The following NEGR1 variants were observed in gnomAD, a reference collection of about 807,000 sequenced individuals.
NEGR1 encodes IgLON family member 4.
NEGR1 carries 10 observed loss-of-function variants against 40.9 expected under a neutral mutation model. The observed-to-expected ratio is 0.24, with a 90% CI of 0.15 to 0.42. The LOEUF is 0.42. NEGR1 is among the 10% of genes least tolerant of loss of function. NEGR1 has a pLI of 1.00. For synonymous variants in NEGR1, 185 were observed against 166.8 expected (o/e 1.11, Z -0.84); for missense variants, 352 against 438.9 (o/e 0.80, Z 1.77).
At chr1:71,520,175 T>G (rs1647145972) in intron 6 of NEGR1, among the ~76,000 whole-genome samples, 1 of 151,992 alleles carries the variant, frequency 6.6e-6, no homozygotes, top group Admixed American at 6.6e-5. Flanking sequence ...TTCTGTAAAT[T>G]GGGATGAAAA....
chr1:72,045,819 A>C (rs970917790), intron 1 of NEGR1, among the ~76,000 whole-genome samples: 2 of 140,178 alleles, frequency 1.4e-5, no homozygotes, highest in Non-Finnish European at 3.2e-5. Flanking sequence ...CCATAGGAAA[A>C]ATTAGAAAAA....
intron 1 of NEGR1, among the ~76,000 whole-genome samples, chr1:72,078,684 G>A (rs1046670980): frequency 6.8e-6 from 1 of 147,910 alleles, no homozygotes; most frequent in Non-Finnish European, 1.5e-5. Context: ...TTATTGCCCA[G>A]GCTGGAGTGC....
At chr1:71,851,006 C>T (rs539279060) in intron 2 of NEGR1, among the ~76,000 whole-genome samples, 4 of 152,234 alleles carry the variant, frequency 2.6e-5, no homozygotes, top group South Asian at 2.1e-4. Flanking sequence ...AAATCATCCA[C>T]CTCTGATAGT....
chr1:71,618,309 G>T (rs1436606551), intron 4 of NEGR1, among the ~76,000 whole-genome samples: 2 of 152,098 alleles, frequency 1.3e-5, no homozygotes, highest in Non-Finnish European at 1.5e-5. Flanking sequence ...TGCCAGAAAA[G>T]ACTCACTTAC....
chr1:71,777,395 G>A (rs1047806314), intron 2 of NEGR1, among the ~76,000 whole-genome samples: 1 of 151,992 alleles, frequency 6.6e-6, no homozygotes, highest in African/African-American at 2.4e-5. Context: ...CACATATATG[G>A]TGTTTGAATT....
chr1:71,638,692 A>G (rs1651242976), intron 4 of NEGR1, among the ~76,000 whole-genome samples: 1 of 152,056 alleles, frequency 6.6e-6, no homozygotes, highest in South Asian at 2.1e-4. Flanking sequence ...CTAAGGTCAT[A>G]TTCTAAATCA....
At chr1:71,927,793 G>A (rs1242011487) in intron 2 of NEGR1, among the ~76,000 whole-genome samples, 1 of 122,676 alleles carries the variant, frequency 8.2e-6, no homozygotes, top group Non-Finnish European at 1.6e-5. Context: ...AGACCAGCAT[G>A]GGCAACATGG....
At chr1:71,805,028 G>A (rs1328402627) in intron 2 of NEGR1, among the ~76,000 whole-genome samples, 2 of 152,108 alleles carry the variant, frequency 1.3e-5, no homozygotes, top group Non-Finnish European at 2.9e-5. Flanking sequence ...TTTGGGGGTG[G>A]CTGTCTTTTA....
chr1:72,067,143 TGGAA>T (rs1458820119), intron 1 of NEGR1, among the ~76,000 whole-genome samples: 1 of 152,128 alleles, frequency 6.6e-6, no homozygotes, highest in African/African-American at 2.4e-5. Flanking sequence ...ACTATAAACA[TGGAA>T]AAGATCGATT....
chr1:71,999,666 TATATATATATATAC>T (rs1179371078), intron 1 of NEGR1, among the ~76,000 whole-genome samples: 714 of 48,954 alleles, frequency 0.015, 62 homozygotes, highest in African/African-American at 0.037. Flanking sequence ...TATATATATA[TATATATATATATAC>T]ATACATATTT....
intron 1 of NEGR1, among the ~76,000 whole-genome samples, chr1:72,280,101 G>C (rs1029765535): frequency 6.6e-6 from 1 of 152,146 alleles, no homozygotes; most frequent in Non-Finnish European, 1.5e-5. Flanking sequence ...ATCACAAAAT[G>C]CGGGATATAG....
chr1:72,234,804 ATAG>A lies in NEGR1; in HGVS notation c.176+47512_176+47514del, dbSNP rs146197711. ...AAAAAATAGATGCTGGTCAGGTTGT[ATAG>A]AAAAAGGAAAACTTATACACTATTA... is the stretch of plus-strand genomic sequence containing the variant. On this transcript the variant is annotated intron_variant, in intron 1 of 6. Coordinates refer to ENST00000357731, the MANE Select transcript of NEGR1 (RefSeq NM_173808.3). 5.3e-3 allele frequency among the ~76,000 whole-genome samples: 806 copies of A among 152,268 alleles called. 8 individuals are homozygous for A. The highest frequency in any genetic ancestry group is 0.018 in the African/African-American group (768 of 41,572).
At chr1:72,101,432 TA>T (rs764823833) in intron 1 of NEGR1, among the ~76,000 whole-genome samples, 5 of 152,268 alleles carry the variant, frequency 3.3e-5, no homozygotes, top group Admixed American at 2.6e-4. Flanking sequence ...ATGTGGAATG[TA>T]AAAACTGTGC....
chr1:71,561,234 A>G (rs1164182637), intron 6 of NEGR1, among the ~76,000 whole-genome samples: 1 of 151,704 alleles, frequency 6.6e-6, no homozygotes, highest in Non-Finnish European at 1.5e-5. Context: ...CAAGCCCCTA[A>G]CAAAGATCAA....
chr1:72,134,076 C>A (rs1270500577), intron 1 of NEGR1, among the ~76,000 whole-genome samples: 1 of 151,962 alleles, frequency 6.6e-6, no homozygotes, highest in East Asian at 1.9e-4. Context: ...TTATCAATTG[C>A]ATTTAAATGC....
chr1:71,883,653 G>A (rs1276391765), intron 2 of NEGR1, among the ~76,000 whole-genome samples: 1 of 151,800 alleles, frequency 6.6e-6, no homozygotes. Context: ...GTATACATGC[G>A]CCGTGTTGGT....
chr1:71,701,341 G>A (rs566274420), intron 3 of NEGR1, among the ~76,000 whole-genome samples: 1 of 152,064 alleles, frequency 6.6e-6, no homozygotes, highest in Admixed American at 6.6e-5. Flanking sequence ...CTTGGTGGCT[G>A]TTAGCTTACA....
intron 4 of NEGR1, among the ~76,000 whole-genome samples, chr1:71,639,206 GAAAA>G (rs111324697): frequency 8.6e-6 from 1 of 116,422 alleles, no homozygotes; most frequent in Non-Finnish European, 1.9e-5. Context: ...GATGTTCAGG[GAAAA>G]AAAAAAAAAA....
intron 1 of NEGR1, among the ~76,000 whole-genome samples, chr1:72,259,562 G>A (rs1466084354): frequency 6.6e-6 from 1 of 151,990 alleles, no homozygotes; most frequent in Non-Finnish European, 1.5e-5. Flanking sequence ...CAAAATCAGA[G>A]GGAAAGTTTT....
Sources: allele counts gnomAD v4.1 joint callset (sites outside exome capture counted in the v4.1 genomes callset), GRCh38; gene constraint gnomAD v4.1.1; transcripts MANE v1.5; gene names NCBI Gene and HGNC (gene_info 2026-07-23, HGNC 2026-07-21).